The following PLEKHG1 variants were observed in gnomAD, a reference collection of about 807,000 sequenced individuals.
The protein encoded by PLEKHG1 is pleckstrin homology domain-containing family G member 1.
PLEKHG1 carries 44 observed loss-of-function variants against 100.8 expected under a neutral mutation model. The observed-to-expected ratio is 0.44, with a 90% CI of 0.34 to 0.56. PLEKHG1 has a LOEUF of 0.56. PLEKHG1 is among the 20% of genes least tolerant of loss of function. PLEKHG1 has a pLI of 0.01. For missense variants in PLEKHG1, 1,545 were observed against 1,720.9 expected, an observed-to-expected ratio of 0.90 and a Z score of 1.81; for synonymous variants, 640 against 662.5, an observed-to-expected ratio of 0.97 and a Z score of 0.52.
At chr6:150,736,629 C>G (rs1191070602) in intron 2 of PLEKHG1, among the ~76,000 whole-genome samples, 1 of 152,044 alleles carries the variant, frequency 6.6e-6, no homozygotes. Context: ...ATTAGCCGGG[C>G]ATGGTGGTGC....
chr6:150,825,861 C>T (rs1776568437), intron 14 of PLEKHG1, among the ~76,000 whole-genome samples: 1 of 152,066 alleles, frequency 6.6e-6, no homozygotes, highest in Non-Finnish European at 1.5e-5. Flanking sequence ...GAATATTTGG[C>T]ACAAAGCAAG....
At chr6:150,677,968 T>A (rs893782037) in intron 3 of PLEKHG1, among the ~76,000 whole-genome samples, 3 of 150,910 alleles carry the variant, frequency 2.0e-5, no homozygotes, top group African/African-American at 7.3e-5. Flanking sequence ...TAGGTCAATG[T>A]GTTCCCTGAC....
intron 3 of PLEKHG1, among the ~76,000 whole-genome samples, chr6:150,702,557 G>GGTGGGTGTGTGT (rs1554261635): frequency 8.7e-4 from 125 of 142,914 alleles, no homozygotes; most frequent in African/African-American, 2.7e-3. Context: ...TTTGTTTTGG[G>GGTGGGTGTGTGT]GTGTGTGTGT....
At chr6:150,794,960 T>C (rs2128658673) in intron 4 of PLEKHG1, among the ~76,000 whole-genome samples, 1 of 152,110 alleles carries the variant, frequency 6.6e-6, no homozygotes, top group South Asian at 2.1e-4. Context: ...AAATTAAAGC[T>C]ACCTGAAAAA....
intron 1 of PLEKHG1, among the ~76,000 whole-genome samples, chr6:150,609,823 C>T (rs1776747564): frequency 6.6e-6 from 1 of 152,074 alleles, no homozygotes; most frequent in Non-Finnish European, 1.5e-5. Flanking sequence ...ACTGGCATGT[C>T]GGCCAAGACA....
intron 2 of PLEKHG1, among the ~76,000 whole-genome samples, chr6:150,760,507 A>C (rs944839289): frequency 6.6e-6 from 1 of 152,122 alleles, no homozygotes; most frequent in Non-Finnish European, 1.5e-5. Flanking sequence ...CCTCATACTG[A>C]GCTTTACTCC....
intron 1 of PLEKHG1, among the ~76,000 whole-genome samples, chr6:150,617,053 G>T (rs1418575154): frequency 2.6e-5 from 4 of 152,330 alleles, no homozygotes; most frequent in Middle Eastern, 3.4e-3. Context: ...TGCAATTAAT[G>T]TAAGTTGTAT....
Position 150,630,251 on chromosome 6 carries a change from T to C in PLEKHG1, c.-203-7829T>C, listed in dbSNP as rs548312830. 3.3e-5 allele frequency among the ~76,000 whole-genome samples: 5 copies of C among 152,288 alleles called. No homozygotes were observed. In the East Asian group the frequency reaches 7.7e-4, roughly 24 times the overall value. ...TGAACCCAGGAGTGCTGTGATATTG[T>C]ATATGAGCAGAATTACTTTAGCTTC... On this transcript the variant is annotated intron_variant, in intron 1 of 3. Transcript: ENST00000367326.
intron 15 of PLEKHG1, 93 bp from the exon 17 acceptor site, chr6:150,839,740 A>G (rs1255715711): frequency 8.4e-6 from 7 of 832,410 alleles, no homozygotes. Context: ...AAAATTTTAA[A>G]ATACGTTGGT....
intron 3 of PLEKHG1, among the ~76,000 whole-genome samples, chr6:150,671,204 TGTAA>T (rs1183115441): frequency 2.0e-5 from 3 of 152,138 alleles, no homozygotes; most frequent in Non-Finnish European, 4.4e-5. Context: ...AACATGCCTG[TGTAA>T]GTATCTTTTT....
At chr6:150,805,840 T>C (rs1787054389) in intron 7 of PLEKHG1, among the ~76,000 whole-genome samples, 1 of 152,160 alleles carries the variant, frequency 6.6e-6, no homozygotes, top group African/African-American at 2.4e-5. Flanking sequence ...TCCTCATTTT[T>C]AAAATAAGAC....
chr6:150,687,504 G>A (rs1181801506), intron 3 of PLEKHG1, among the ~76,000 whole-genome samples: 1 of 152,144 alleles, frequency 6.6e-6, no homozygotes, highest in African/African-American at 2.4e-5. Flanking sequence ...TTAGTTCAAA[G>A]GGTTATTATG....
Position 150,683,029 on chromosome 6 carries a change from C to T in PLEKHG1, c.-99+32243C>T, listed in dbSNP as rs886476990. ...ATGTCATACTTAATGCTGATGGCTT[C>T]GTGCGCATCTTAACAGTTGACAACT... On this transcript the variant is annotated intron_variant, in intron 3 of 3. Coordinates refer to the PLEKHG1 transcript ENST00000367326. This position sits in a 1 kb window ranked among gnomAD's most constrained non-coding sequence, Gnocchi z 4.0. 3.3e-5 allele frequency among the ~76,000 whole-genome samples: 5 copies of T among 152,216 alleles called. No homozygotes were observed. Among genetic ancestry groups the T allele is most frequent in the East Asian group, 1.9e-4 (1 of 5,200 alleles).
At chr6:150,621,429 C>T (rs1314201666) in intron 1 of PLEKHG1, among the ~76,000 whole-genome samples, 3 of 149,604 alleles carry the variant, frequency 2.0e-5, no homozygotes, top group Non-Finnish European at 4.4e-5. Context: ...GGCTGGAATA[C>T]AGTGGCACAA....
intron 1 of PLEKHG1, among the ~76,000 whole-genome samples, chr6:150,628,527 AACAC>A (rs565121317): frequency 0.016 from 1,537 of 94,762 alleles, 26 homozygotes; most frequent in African/African-American, 0.027. Context: ...TAGATAGGAA[AACAC>A]ACACACACAC....
Position 150,613,604 on chromosome 6 carries a change from A to G in PLEKHG1, c.-204+13587A>G, listed in dbSNP as rs1212945565. On this transcript the variant is annotated intron_variant, in intron 1 of 3. Transcript: ENST00000367326. Reference sequence around the variant, plus strand: ...CGAGGGGAAGCAGTAGAAAACATCCACTTTCTTCCTCCATCCTTGCCCATA... The same window carrying G: ...CGAGGGGAAGCAGTAGAAAACATCCGCTTTCTTCCTCCATCCTTGCCCATA... Among the ~76,000 whole-genome samples, 2 of 152,072 alleles carry G rather than the reference A, an allele frequency of 1.3e-5. 1 individual carries two copies. Among genetic ancestry groups the G allele is most frequent in the Non-Finnish European group, 2.9e-5 (2 of 67,988 alleles).
At chr6:150,818,343 C>T (rs1776104843) in intron 11 of PLEKHG1, 127 bp downstream of exon 12, 1 of 745,630 alleles carries the variant, frequency 1.3e-6, no homozygotes, top group Non-Finnish European at 2.3e-6. Context: ...ACTGTTTTCA[C>T]AAATTGGGTA....
chr6:150,745,400 T>C (rs933296661), intron 2 of PLEKHG1, among the ~76,000 whole-genome samples: 2 of 152,114 alleles, frequency 1.3e-5, no homozygotes, highest in African/African-American at 4.8e-5. Flanking sequence ...TCACGCACTT[T>C]GGCCAGCCAC....
At chr6:150,719,295 CA>C (rs5880896), upstream of PLEKHG1, among the ~76,000 whole-genome samples, 62,366 of 147,620 alleles carry the variant, frequency 0.42, 13,243 homozygotes, top group Middle Eastern at 0.51. Flanking sequence ...TGGCAAAAAG[CA>C]AAAAAAAAAA....
Sources: gnomAD v4.1 joint callset for allele counts (sites outside exome capture counted in the v4.1 genomes callset) on GRCh38, gnomAD v4.1.1 for gene constraint, Gnocchi (gnomAD v3.1) non-coding constraint, MANE v1.5 for transcripts, NCBI Gene and HGNC (gene_info 2026-07-23, HGNC 2026-07-21) for gene names.